The following DIP2B variants were observed in gnomAD, a reference collection of about 807,000 sequenced individuals.
The protein encoded by DIP2B is DIP2 acetate--CoA ligase B (putative).
DIP2B carries 76 observed loss-of-function variants against 198.0 expected under a neutral mutation model. The observed-to-expected ratio is 0.38, with a 90% CI of 0.32 to 0.46. DIP2B has a LOEUF of 0.46. Ranked by LOEUF, DIP2B falls within the 20% of genes least tolerant of loss-of-function variation. The pLI is 0.99. For synonymous variants in DIP2B, 701 were observed against 739.1 expected, an observed-to-expected ratio of 0.95 and a Z score of 0.84; for missense variants, 1,559 against 1,978.4, an observed-to-expected ratio of 0.79 and a Z score of 4.02.
At chr12:50,617,301 G>A (rs1478448430) in intron 1 of DIP2B, among the ~76,000 whole-genome samples, 3 of 151,478 alleles carry the variant, frequency 2.0e-5, no homozygotes, top group African/African-American at 2.4e-5. Flanking sequence ...GACTACAGGC[G>A]CCCGCTACTA....
At chr12:50,737,679 G>A (rs908780947) in intron 35 of DIP2B, among the ~76,000 whole-genome samples, 8 of 151,782 alleles carry the variant, frequency 5.3e-5, no homozygotes, top group African/African-American at 1.9e-4. Context: ...TCCGCCTCCC[G>A]GGTTCAAGTG....
chr12:50,738,957 A>G lies in DIP2B; in HGVS notation c.4177-452A>G, dbSNP rs570627629. The stretch of plus-strand genomic sequence containing the variant: ...TCGCTCTGTTTATATTATAAACTCA[A>G]AACACCCCATGGTGTTTCCCTGTGG... On this transcript the variant is annotated intron_variant, in intron 35 of 37. Transcript: ENST00000301180. 2.0e-5 allele frequency among the ~76,000 whole-genome samples: 3 copies of G among 152,312 alleles called. No individual in the cohort carries two copies. The South Asian group carries it at 6.2e-4, about 32-fold the overall frequency.
At chr12:50,664,427 G>A (rs1938710405) in intron 4 of DIP2B, among the ~76,000 whole-genome samples, 2 of 152,116 alleles carry the variant, frequency 1.3e-5, no homozygotes, top group Admixed American at 1.3e-4. Context: ...TTCTTTTAGT[G>A]CTTGTGGCCT....
chr12:50,585,176 G>A (rs969300849), intron 1 of DIP2B, among the ~76,000 whole-genome samples: 2 of 152,190 alleles, frequency 1.3e-5, no homozygotes, highest in South Asian at 2.1e-4. Context: ...TCCCAAAGTA[G>A]TGACTTATCC....
intron 32 of DIP2B, among the ~76,000 whole-genome samples, chr12:50,733,724 C>T (rs1940089118): frequency 6.6e-6 from 1 of 152,188 alleles, no homozygotes; most frequent in South Asian, 2.1e-4. Context: ...AATAATAAGG[C>T]AAATATAGGC....
At chr12:50,675,177 A>T in intron 6 of DIP2B, 152 bp from the exon 7 acceptor site, 1 of 816,332 alleles carries the variant, frequency 1.2e-6, no homozygotes, top group Non-Finnish European at 1.8e-6. Context: ...TATTGTCATA[A>T]AACTTGTTGT....
At chr12:50,676,900 C>G (rs138792646) in intron 7 of DIP2B, among the ~76,000 whole-genome samples, 296 of 152,180 alleles carry the variant, frequency 1.9e-3, no homozygotes, top group African/African-American at 6.9e-3. Flanking sequence ...TGGGAATGTA[C>G]AAAGCAGAAG....
chr12:50,678,471 G>A (rs928737067), intron 7 of DIP2B, among the ~76,000 whole-genome samples: 21 of 152,120 alleles, frequency 1.4e-4, no homozygotes, highest in African/African-American at 4.8e-4. Flanking sequence ...TTTGTTCATT[G>A]CATAAAACGA....
Position 50,526,626 on chromosome 12 carries a change from C to CTTTTTT in DIP2B, c.100+21408_100+21413dup, listed in dbSNP as rs11423846. Reference sequence around the variant, plus strand: ...TGCATTGATTCTCTTTTTCCTCTGCCTTTTTTTTTTTTTTTTTTTTTTTTT... The same window carrying CTTTTTT: ...TGCATTGATTCTCTTTTTCCTCTGCCTTTTTTTTTTTTTTTTTTTTTTTTTTTTTTT... On this transcript the variant is annotated intron_variant, in intron 1 of 37. Coordinates refer to ENST00000301180, the MANE Select transcript of DIP2B (RefSeq NM_173602.3). Among the ~76,000 whole-genome samples the CTTTTTT allele has an allele frequency of 4.4e-4, 28 of 64,196 alleles. 5 individuals are homozygous for CTTTTTT. Among genetic ancestry groups the CTTTTTT allele is most frequent in the South Asian group, 3.9e-3 (4 of 1,030 alleles). The allele number at this position is 64,196 out of a possible 152,430, so 42.1% of individuals were successfully genotyped here.
rs892625650 is a variant in DIP2B at position 50,526,409 on chromosome 12, T to C, written c.100+21169T>C. 2.0e-5 allele frequency among the ~76,000 whole-genome samples: 3 copies of C among 152,208 alleles called. 1 individual carries two copies. The highest frequency in any genetic ancestry group is 4.4e-5 in the Non-Finnish European group (3 of 68,042). ...ACTTGACTTTTACAGTTGGGTGATATGTGACAACTTTCCGTTTCTTCAGTC... is the reference window on the plus strand; with the variant it reads ...ACTTGACTTTTACAGTTGGGTGATACGTGACAACTTTCCGTTTCTTCAGTC... On this transcript the variant is annotated intron_variant, in intron 1 of 37. Coordinates refer to ENST00000301180, the MANE Select transcript of DIP2B (RefSeq NM_173602.3).
At chr12:50,725,990 T>C (rs1939926507) in intron 28 of DIP2B, among the ~76,000 whole-genome samples, 1 of 152,140 alleles carries the variant, frequency 6.6e-6, no homozygotes, top group African/African-American at 2.4e-5. Flanking sequence ...ACAATATTTA[T>C]CACAAATGGA....
chr12:50,514,994 A>G (rs1248179253), intron 1 of DIP2B, among the ~76,000 whole-genome samples: 1 of 151,436 alleles, frequency 6.6e-6, no homozygotes. Context: ...AAACTTTGCC[A>G]CAGTGTTGCA....
intron 4 of DIP2B, among the ~76,000 whole-genome samples, chr12:50,667,986 A>G (rs1271414255): frequency 2.0e-5 from 3 of 152,156 alleles, no homozygotes; most frequent in East Asian, 3.8e-4. Context: ...GCCCAATGCT[A>G]CCTACTTGTC....
chr12:50,523,121 G>A (rs1958134972), intron 1 of DIP2B, among the ~76,000 whole-genome samples: 1 of 152,116 alleles, frequency 6.6e-6, no homozygotes, highest in Non-Finnish European at 1.5e-5. Context: ...AATATATACA[G>A]TTGTTCCTTT....
intron 1 of DIP2B, among the ~76,000 whole-genome samples, chr12:50,608,902 G>A (rs1215755313): frequency 6.6e-6 from 1 of 152,174 alleles, no homozygotes; most frequent in Non-Finnish European, 1.5e-5. Flanking sequence ...AGCACTTTGG[G>A]AGGCTGAGAC....
chr12:50,678,823 C>T lies in DIP2B; in HGVS notation c.1061C>T (p.Ser354Phe), dbSNP rs1369858380. The part of the protein sequence containing the change: ...QRWGTTQAKC[S>F]CLTALDMTGK... ...TGGGGTACCACTCAAGCAAAATGCT[C>T]CTGTCTGACTGCACTGGACATGACA... Residue 354 changes from serine to phenylalanine, a missense_variant, in exon 8 of 38, where the codon TCC becomes TTC. By Grantham distance (155) the Ser-to-Phe change is radical. Transcript: ENST00000301180. The T allele has an allele frequency of 6.2e-7, 1 of 1,614,194 alleles. No homozygotes were observed. The highest frequency in any genetic ancestry group is 1.7e-5 in the Admixed American group (1 of 60,018).
At chr12:50,707,314 A>G (rs1479503475) in intron 21 of DIP2B, among the ~76,000 whole-genome samples, 1 of 152,210 alleles carries the variant, frequency 6.6e-6, no homozygotes, top group Admixed American at 6.5e-5. Context: ...TCTGAAATGT[A>G]TAGTTTTTTT....
At position 50,706,605 on chromosome 12, in the gene DIP2B, C is replaced by T. The variant is rs1328851743; in HGVS notation, c.2474C>T (p.Ala825Val). 6.2e-7 allele frequency: 1 copy of T among 1,613,950 alleles called. No homozygotes were observed. The highest frequency in any genetic ancestry group is 1.3e-5 in the African/African-American group (1 of 74,918). Residue 825 changes from alanine to valine, a missense_variant, in exon 21 of 38, where the codon GCT becomes GTT. By Grantham distance (64) the Ala-to-Val change is moderately conservative. Coordinates refer to ENST00000301180, the MANE Select transcript of DIP2B (RefSeq NM_173602.3). ...LLMVSGRRHN[A>V]DDIVATGLAV... is the part of the protein sequence containing the mutation. ...ATGGTTAGTGGTCGAAGACATAATG[C>T]TGATGACATTGTTGCTACTGGATTG...
At chr12:50,625,584 G>GAAT (rs1013033316) in intron 1 of DIP2B, among the ~76,000 whole-genome samples, 8 of 152,148 alleles carry the variant, frequency 5.3e-5, no homozygotes, top group Admixed American at 2.0e-4. Flanking sequence ...CAGTATAAGT[G>GAAT]AATACCTCAG....
Sources: allele counts gnomAD v4.1 joint callset (sites outside exome capture counted in the v4.1 genomes callset), GRCh38; gene constraint gnomAD v4.1.1; transcripts MANE v1.5; gene names NCBI Gene and HGNC (gene_info 2026-07-23, HGNC 2026-07-21).